The following PPM1E variants were observed in gnomAD, a reference collection of about 807,000 sequenced individuals.
PPM1E encodes the protein protein phosphatase, Mg2+/Mn2+ dependent 1E.
A neutral mutation model predicts 65.9 loss-of-function variants in PPM1E; 20 were observed. The observed-to-expected ratio is 0.30, with a 90% CI of 0.21 to 0.44. PPM1E has a LOEUF of 0.44. Among genes scored for constraint, PPM1E ranks in the 20% least tolerant of loss-of-function variants. PPM1E has a pLI of 1.00. For synonymous variants in PPM1E, 352 were observed against 374.9 expected (o/e 0.94, Z 0.70); for missense variants, 713 against 953.1 (o/e 0.75, Z 3.32).
At chr17:58,805,974 CAAAAAAAAAACA>C (rs2050306526) in intron 1 of PPM1E, among the ~76,000 whole-genome samples, 3 of 74,022 alleles carry the variant, frequency 4.1e-5, no homozygotes, top group African/African-American at 5.9e-5. Context: ...AAAAAAAAAA[CAAAAAAAAAACA>C]AAACAAAACA....
intron 1 of PPM1E, among the ~76,000 whole-genome samples, chr17:58,885,437 C>T (rs546959691): frequency 1.3e-5 from 2 of 152,192 alleles, no homozygotes; most frequent in Non-Finnish European, 1.5e-5. Flanking sequence ...CTCACATGTC[C>T]GATGACCTTT....
At position 58,984,299 on chromosome 17, in the gene PPM1E, C is replaced by T. The variant is rs1382582118; in HGVS notation, c.*3268C>T. The T allele has an allele frequency of 6.6e-6, 1 of 152,594 alleles. No individual in the cohort carries two copies. Among genetic ancestry groups the T allele is most frequent in the African/African-American group, 2.4e-5 (1 of 41,426 alleles). The allele number at this position is 152,594 out of a possible 1,614,324, so 9.5% of individuals were successfully genotyped here. On this transcript the variant is annotated 3_prime_UTR_variant, in exon 7 of 7. Coordinates refer to ENST00000308249, the MANE Select transcript of PPM1E (RefSeq NM_014906.5). ...TGACAACCACACTCCACTGTTGAAA[C>T]ACTGTGCCAGTGAGAAGTGCAACAT...
intron 1 of PPM1E, among the ~76,000 whole-genome samples, chr17:58,761,081 T>A (rs1022905953): frequency 3.3e-5 from 5 of 152,204 alleles, no homozygotes; most frequent in Non-Finnish European, 7.3e-5. Flanking sequence ...TTGTGTTTTG[T>A]TTTTTAAAGA....
At chr17:58,788,272 T>TGTG (rs1458952863) in intron 1 of PPM1E, among the ~76,000 whole-genome samples, 1 of 152,088 alleles carries the variant, frequency 6.6e-6, no homozygotes. Context: ...GCTGATCTCG[T>TGTG]ACTCTTGACC....
intron 1 of PPM1E, among the ~76,000 whole-genome samples, chr17:58,904,037 A>T (rs890554488): frequency 6.6e-6 from 1 of 152,188 alleles, no homozygotes; most frequent in Admixed American, 6.6e-5. Context: ...ATTATTATTG[A>T]GATCTATACT....
chr17:58,847,164 A>G (rs938478646), intron 1 of PPM1E, among the ~76,000 whole-genome samples: 2 of 151,950 alleles, frequency 1.3e-5, no homozygotes, highest in Non-Finnish European at 2.9e-5. Context: ...TAGATTCTGG[A>G]TATTAGCCCT....
At chr17:58,887,571 G>A (rs1172968936) in intron 1 of PPM1E, among the ~76,000 whole-genome samples, 1 of 152,216 alleles carries the variant, frequency 6.6e-6, no homozygotes, top group African/African-American at 2.4e-5. Context: ...TAAGTATAGA[G>A]ACAGTTAGGT....
intron 1 of PPM1E, among the ~76,000 whole-genome samples, chr17:58,800,375 T>TA (rs1279250419): frequency 1.4e-4 from 22 of 152,186 alleles, no homozygotes; most frequent in Non-Finnish European, 2.6e-4. Context: ...TAGCCTATAA[T>TA]ATTTTTCTTT....
At position 58,777,744 on chromosome 17, in the gene PPM1E, A is replaced by G. The variant is rs537384180; in HGVS notation, c.464+21283A>G. 3.3e-5 allele frequency among the ~76,000 whole-genome samples: 5 copies of G among 152,350 alleles called. No homozygotes were observed. The South Asian group carries it at 8.3e-4, about 25-fold the overall frequency. On this transcript the variant is annotated intron_variant, in intron 1 of 6. Coordinates refer to ENST00000308249, the MANE Select transcript of PPM1E (RefSeq NM_014906.5). ...CTTACTACACAAAGAATTTAATTCA[A>G]TTTAGTCTATGGAGTTTCCTACTAG... is the stretch of plus-strand genomic sequence containing the variant.
chr17:58,775,051 C>T (rs1488473377), intron 1 of PPM1E, among the ~76,000 whole-genome samples: 1 of 152,140 alleles, frequency 6.6e-6, no homozygotes, highest in African/African-American at 2.4e-5. Context: ...TGAGGTTTCA[C>T]CTTGTTGGCC....
Position 58,756,085 on chromosome 17 carries a change from G to A in PPM1E, c.88G>A (p.Glu30Lys). Residue 30 changes from glutamate to lysine, a missense_variant, in exon 1 of 7, where the codon GAG becomes AAG. By Grantham distance (56) the Glu-to-Lys change is moderately conservative (BLOSUM62 1). Transcript: ENST00000308249. ...GTTTCGCGGACCGTGCGGCGGCGGC[G>A]AGCCGGAGCCGGAACCCGAACCCGA... ...GEFRGPCGGGEPEPEPEPEPE... is the reference protein window; with the variant it reads ...GEFRGPCGGGKPEPEPEPEPE... The A allele has an allele frequency of 6.3e-7, 1 of 1,594,422 alleles. No individual in the cohort carries two copies. The highest frequency in any genetic ancestry group is 8.5e-7 in the Non-Finnish European group (1 of 1,173,838).
intron 1 of PPM1E, among the ~76,000 whole-genome samples, chr17:58,822,799 T>C (rs564044218): frequency 6.6e-6 from 1 of 152,334 alleles, no homozygotes; most frequent in South Asian, 2.1e-4. Flanking sequence ...CTCTGGCTGA[T>C]AATTAAAGTT....
At chr17:58,886,082 C>G (rs927982284) in intron 1 of PPM1E, among the ~76,000 whole-genome samples, 1 of 152,178 alleles carries the variant, frequency 6.6e-6, no homozygotes, top group Non-Finnish European at 1.5e-5. Context: ...TCAGATACCA[C>G]TCCTCCATTT....
In PPM1E at chr17:58,756,336, C is replaced by A. The variant is rs1381777850; in HGVS notation, c.339C>A (p.Ala113=). ...CGGCGGCAGCCCCGGGGCACTCGGCCGTGCCGCCGCCGCCGCCCCAGCTGC... is the reference window on the plus strand; with the variant it reads ...CGGCGGCAGCCCCGGGGCACTCGGCAGTGCCGCCGCCGCCGCCCCAGCTGC... ...ATAAAAPGHS[A]VPPPPPQLPP... Residue 113 remains alanine, a synonymous_variant, in exon 1 of 7, where the codon GCC becomes GCA. Transcript: ENST00000308249. 1 of 1,392,090 alleles carries A rather than the reference C, an allele frequency of 7.2e-7. No individual in the cohort carries two copies. The highest frequency in any genetic ancestry group is 9.3e-7 in the Non-Finnish European group (1 of 1,077,308). The allele number at this position is 1,392,090 out of a possible 1,614,324, so 86.2% of individuals were successfully genotyped here. A position where few individuals can be genotyped will look rare whatever the true frequency, so the allele number is the denominator to read the frequency against.
At chr17:58,916,779 C>T (rs1197826786) in intron 1 of PPM1E, among the ~76,000 whole-genome samples, 1 of 152,160 alleles carries the variant, frequency 6.6e-6, no homozygotes, top group African/African-American at 2.4e-5. Flanking sequence ...ACCTATCTCT[C>T]AGGGTTTAAC....
chr17:58,762,895 C>T (rs2049836540), intron 1 of PPM1E, among the ~76,000 whole-genome samples: 1 of 118,014 alleles, frequency 8.5e-6, no homozygotes, highest in Non-Finnish European at 1.8e-5. Context: ...GAGACTCCGT[C>T]TCAAAAAAAA....
intron 1 of PPM1E, among the ~76,000 whole-genome samples, chr17:58,771,788 T>C (rs989627241): frequency 2.0e-5 from 3 of 152,140 alleles, no homozygotes; most frequent in African/African-American, 7.2e-5. Flanking sequence ...TTTTTTATAA[T>C]GGAAGTAATA....
chr17:58,814,306 G>A (rs1196598201), intron 1 of PPM1E, among the ~76,000 whole-genome samples: 2 of 152,072 alleles, frequency 1.3e-5, no homozygotes, highest in Non-Finnish European at 2.9e-5. Context: ...TTTATTGAAG[G>A]ATAAAGGAGA....
At chr17:58,951,871 T>G (rs1194880040) in intron 1 of PPM1E, among the ~76,000 whole-genome samples, 1 of 152,220 alleles carries the variant, frequency 6.6e-6, no homozygotes, top group Non-Finnish European at 1.5e-5. Flanking sequence ...GATTGGGGTT[T>G]GTTCCTGGAA....
Sources: gnomAD v4.1 joint callset for allele counts (sites outside exome capture counted in the v4.1 genomes callset) on GRCh38, gnomAD v4.1.1 for gene constraint, MANE v1.5 for transcripts, NCBI Gene and HGNC (gene_info 2026-07-23, HGNC 2026-07-21) for gene names.